Variants in SPMAP2 observed in about 807,000 individuals in gnomAD.
The protein encoded by SPMAP2 is sperm microtubule associated protein 2.
chr19:371,155 G>A, the SPMAP2 span: 2 of 1,145,940 alleles, frequency 1.7e-6, no homozygotes, highest in Non-Finnish European at 1.2e-6. Flanking sequence ...TCTCTGCCGG[G>A]TCCCAGCCCG....
chr19:371,397 T>G, the SPMAP2 span: 1 of 593,506 alleles, frequency 1.7e-6, no homozygotes, highest in Non-Finnish European at 2.7e-6. Context: ...TGTGTGTGTG[T>G]GTGTGTGTAT....
the SPMAP2 span, among the ~76,000 whole-genome samples, chr19:364,389 G>A: frequency 6.6e-6 from 1 of 151,506 alleles, no homozygotes; most frequent in South Asian, 2.1e-4. Context: ...ATTTTAAACG[G>A]CCACTGGCAG....
At chr19:372,779 T>G in the SPMAP2 span, 1 of 1,410,216 alleles carries the variant, frequency 7.1e-7, no homozygotes, top group Non-Finnish European at 1.0e-6. Flanking sequence ...CATGCGGAAT[T>G]CAGCTTTTCA....
chr19:364,147 C>A, the SPMAP2 span, among the ~76,000 whole-genome samples: 1 of 149,852 alleles, frequency 6.7e-6, no homozygotes, highest in Non-Finnish European at 1.5e-5. Flanking sequence ...TCCTGGCTCA[C>A]ACGGTGAAAT....
the SPMAP2 span, among the ~76,000 whole-genome samples, chr19:363,524 A>C: frequency 7.2e-6 from 1 of 139,254 alleles, no homozygotes; most frequent in Non-Finnish European, 1.6e-5. Flanking sequence ...TTATCATTTT[A>C]TTTTACTTTA....
the SPMAP2 span, chr19:373,825 G>A: frequency 4.9e-6 from 5 of 1,028,564 alleles, no homozygotes; most frequent in Non-Finnish European, 7.4e-6. Context: ...CATCTGAGGA[G>A]CCCTCCCTGA....
chr19:371,369 G>GTGTGTGTTT, the SPMAP2 span: 1 of 801,684 alleles, frequency 1.2e-6, no homozygotes, highest in African/African-American at 2.1e-5. Flanking sequence ...CGGGGGTGGG[G>GTGTGTGTTT]GTGTGTGTGT....
the SPMAP2 span, chr19:374,055 G>C: frequency 6.3e-7 from 1 of 1,594,762 alleles, no homozygotes; most frequent in Non-Finnish European, 8.6e-7. Context: ...CTTGCCCTGG[G>C]TCTCCCGTTT....
the SPMAP2 span, among the ~76,000 whole-genome samples, chr19:371,809 C>T: frequency 6.6e-6 from 1 of 152,226 alleles, no homozygotes; most frequent in Non-Finnish European, 1.5e-5. Flanking sequence ...CAGGTCTCAG[C>T]TATGCCTCTG....
chr19:371,099 C>CA, the SPMAP2 span: 1 of 617,264 alleles, frequency 1.6e-6, no homozygotes, highest in Admixed American at 3.1e-5. Flanking sequence ...CCGCCCTGTG[C>CA]AGCTTCTCCT....
chr19:364,153 G>GA, the SPMAP2 span, among the ~76,000 whole-genome samples: 8 of 149,870 alleles, frequency 5.3e-5, no homozygotes, highest in Non-Finnish European at 1.0e-4. Flanking sequence ...CTCACACGGT[G>GA]AAATCCCATC....
the SPMAP2 span, chr19:374,208 G>A: frequency 3.2e-6 from 5 of 1,565,120 alleles, no homozygotes; most frequent in Non-Finnish European, 4.3e-6. Context: ...GGGGAGGGGA[G>A]CCGAGCAGTG....
the SPMAP2 span, among the ~76,000 whole-genome samples, chr19:365,747 C>G: frequency 6.8e-6 from 1 of 147,472 alleles, no homozygotes. Context: ...TACAGCCACA[C>G]TCTTACCCCC....
the SPMAP2 span, among the ~76,000 whole-genome samples, chr19:365,648 A>G: frequency 8.4e-6 from 1 of 118,632 alleles, no homozygotes; most frequent in African/African-American, 3.5e-5. Flanking sequence ...ACAGCCACAC[A>G]CTCGCTCTTA....
the SPMAP2 span, chr19:374,680 A>G: frequency 1.9e-6 from 1 of 524,776 alleles, no homozygotes; most frequent in Non-Finnish European, 3.4e-6. Flanking sequence ...CTCCTCTGTG[A>G]ATTGGAGGTG....
At chr19:375,616 G>T in the SPMAP2 span, 1 of 1,492,614 alleles carries the variant, frequency 6.7e-7, no homozygotes, top group Non-Finnish European at 9.0e-7. Context: ...GCCAGGGGCT[G>T]AGCCCTACCC....
chr19:369,567 C>T, the SPMAP2 span, among the ~76,000 whole-genome samples: 4 of 152,208 alleles, frequency 2.6e-5, no homozygotes, highest in Non-Finnish European at 4.4e-5. Flanking sequence ...CCTCTCCCCA[C>T]CCGGAGAATG....
At chr19:373,891 A>G in the SPMAP2 span, 1 of 1,565,872 alleles carries the variant, frequency 6.4e-7, no homozygotes, top group Non-Finnish European at 8.8e-7. Flanking sequence ...CTGGAACCTG[A>G]CACGTGTCCC....
At chr19:374,243 T>C in the SPMAP2 span, 1 of 1,601,370 alleles carries the variant, frequency 6.2e-7, no homozygotes, top group Non-Finnish European at 8.5e-7. Context: ...CCGGGAAGGG[T>C]GCAGAGAAAG....
Sources: allele counts gnomAD v4.1 joint callset (sites outside exome capture counted in the v4.1 genomes callset), GRCh38; gene constraint gnomAD v4.1.1; transcripts MANE v1.5; gene names NCBI Gene and HGNC (gene_info 2026-07-23, HGNC 2026-07-21).